PUS10: variants seen among roughly 807,000 people sequenced by gnomAD.
PUS10 encodes the protein tRNA pseudouridine synthase Pus10.
Under a neutral mutation model 75.0 loss-of-function variants are expected in PUS10, and 59 were observed. The observed-to-expected ratio is 0.79, with a 90% CI of 0.64 to 0.98. PUS10 has a LOEUF of 0.98. Among genes scored for constraint, PUS10 ranks in the 50% least tolerant of loss-of-function variants. PUS10 has a pLI of 0.00. For synonymous variants in PUS10, 219 were observed against 211.6 expected (o/e 1.03, Z -0.30); for missense variants, 650 against 614.4 (o/e 1.06, Z -0.61).
At chr2:60,949,451 T>C (rs1024636631) in intron 15 of PUS10, among the ~76,000 whole-genome samples, 2 of 152,236 alleles carry the variant, frequency 1.3e-5, no homozygotes, top group East Asian at 3.8e-4. Context: ...TTTTTTGGTT[T>C]GTTTGTTTTT....
intron 11 of PUS10, among the ~76,000 whole-genome samples, chr2:60,959,110 C>T (rs1355731992): frequency 6.6e-6 from 1 of 152,208 alleles, no homozygotes; most frequent in Non-Finnish European, 1.5e-5. Flanking sequence ...AATTCAAAAA[C>T]ATTACAGCTG....
At chr2:61,017,894 G>C (rs1680118405) in intron 1 of PUS10, 114 bp downstream of exon 1, 3 of 1,532,076 alleles carry the variant, frequency 2.0e-6, no homozygotes, top group African/African-American at 2.7e-5. Context: ...GTGGGCCCGA[G>C]CGGGGACTTG....
At position 60,942,064 on chromosome 2, in the gene PUS10, G is replaced by A; in HGVS notation, c.*331C>T. 4.4e-6 allele frequency: 1 copy of A among 225,846 alleles called. No individual in the cohort carries two copies. Among genetic ancestry groups the A allele is most frequent in the Non-Finnish European group, 8.7e-6 (1 of 115,038 alleles). The allele number at this position is 225,846 out of a possible 1,614,324, so 14.0% of individuals were successfully genotyped here. The stretch of plus-strand genomic sequence containing the variant: ...GGAGGGAAATCTTGCTGAAATTACA[G>A]CTTCTTAGGTTAACAGAGAATGTGT... On this transcript the variant is annotated 3_prime_UTR_variant, in exon 18 of 18. Transcript: ENST00000316752.
chr2:60,956,918 T>TG (rs1245168334), intron 11 of PUS10, among the ~76,000 whole-genome samples: 3 of 124,606 alleles, frequency 2.4e-5, no homozygotes, highest in Admixed American at 1.1e-4. Flanking sequence ...GAGCTTGCAG[T>TG]GAGCCGAGAT....
At chr2:60,996,912 A>G (rs893447765) in intron 4 of PUS10, among the ~76,000 whole-genome samples, 1 of 152,246 alleles carries the variant, frequency 6.6e-6, no homozygotes, top group Admixed American at 6.5e-5. Flanking sequence ...ATAGGTATCA[A>G]TGGGTTTACA....
At position 60,942,533 on chromosome 2, in the gene PUS10, A is replaced by G. The variant is rs564140156; in HGVS notation, c.1552-100T>C. On this transcript the variant is annotated intron_variant, in intron 17 of 17. Coordinates refer to ENST00000316752, the MANE Select transcript of PUS10 (RefSeq NM_144709.4). Reference sequence around the variant, plus strand: ...TTTAATAGTTTTAATATAGTGCAACAGAAGAAACTGCATTTGAAGAAAAGA... The same window carrying G: ...TTTAATAGTTTTAATATAGTGCAACGGAAGAAACTGCATTTGAAGAAAAGA... 69 of 893,874 alleles carry G rather than the reference A, an allele frequency of 7.7e-5. No individual in the cohort carries two copies. The African/African-American group carries it at 9.7e-4, about 13-fold the overall frequency. 55.4% of individuals were successfully genotyped at this position (893,874 alleles called of 1,614,324 possible). A position where few individuals can be genotyped will look rare whatever the true frequency, so the allele number is the denominator to read the frequency against.
chr2:60,949,050 A>T (rs1675172846), intron 15 of PUS10, among the ~76,000 whole-genome samples: 1 of 152,336 alleles, frequency 6.6e-6, no homozygotes, highest in South Asian at 2.1e-4. Context: ...TTCTCCACCA[A>T]GAAGAAAAGA....
At chr2:61,005,190 G>A (rs1342606778) in intron 4 of PUS10, among the ~76,000 whole-genome samples, 1 of 152,182 alleles carries the variant, frequency 6.6e-6, no homozygotes, top group Admixed American at 6.5e-5. Flanking sequence ...GAACCCGGGA[G>A]GCAGAGGTTG....
intron 15 of PUS10, among the ~76,000 whole-genome samples, chr2:60,951,585 A>G (rs2104213180): frequency 6.6e-6 from 1 of 152,306 alleles, no homozygotes; most frequent in South Asian, 2.1e-4. Flanking sequence ...TCGTGCTTTT[A>G]TAAGAATCTA....
intron 4 of PUS10, among the ~76,000 whole-genome samples, chr2:60,972,080 G>A (rs1263021869): frequency 1.3e-5 from 2 of 148,176 alleles, no homozygotes; most frequent in African/African-American, 2.5e-5. Flanking sequence ...TGTTGGCCAG[G>A]CTGGTCTCGA....
intron 6 of PUS10, chr2:60,966,412 C>T (rs1676344698): frequency 6.6e-6 from 1 of 152,190 alleles, no homozygotes; most frequent in African/African-American, 2.4e-5. Context: ...CTATTAGCTA[C>T]TCTAGAATCA....
chr2:60,970,937 T>C (rs1386218410), intron 5 of PUS10, among the ~76,000 whole-genome samples: 2 of 152,146 alleles, frequency 1.3e-5, no homozygotes, highest in Admixed American at 6.5e-5. Context: ...CCCACCACTT[T>C]GGGAGGCCGA....
chr2:60,945,375 A>T (rs1674881617), intron 16 of PUS10, among the ~76,000 whole-genome samples: 1 of 152,192 alleles, frequency 6.6e-6, no homozygotes, highest in African/African-American at 2.4e-5. Context: ...TCCAAGTGCC[A>T]AGGTTTGGAT....
intron 4 of PUS10, among the ~76,000 whole-genome samples, chr2:60,977,336 G>A (rs1573448549): frequency 1.3e-5 from 2 of 152,186 alleles, no homozygotes; most frequent in Non-Finnish European, 2.9e-5. Context: ...GGTATGTTAT[G>A]TGTGTTCATA....
intron 16 of PUS10, among the ~76,000 whole-genome samples, chr2:60,947,582 C>CGTG (rs1166981106): frequency 6.6e-6 from 1 of 152,206 alleles, no homozygotes; most frequent in Non-Finnish European, 1.5e-5. Context: ...GTAATCACAG[C>CGTG]ACTTCGGAAG....
At chr2:60,990,690 G>C (rs539673969) in intron 4 of PUS10, among the ~76,000 whole-genome samples, 1 of 152,176 alleles carries the variant, frequency 6.6e-6, no homozygotes, top group Non-Finnish European at 1.5e-5. Context: ...CTCTCTGGAG[G>C]AGAACATTAT....
At chr2:60,978,353 C>T (rs907028568) in intron 4 of PUS10, among the ~76,000 whole-genome samples, 18 of 140,050 alleles carry the variant, frequency 1.3e-4, no homozygotes, top group African/African-American at 4.3e-4. Context: ...ACCTGGGAGG[C>T]GGAAGTTGCA....
chr2:60,961,567 T>G lies in PUS10; in HGVS notation c.789-19A>C. ...AAACTGCCTGCAAAACAAAATAAAT[T>G]TTATAGCTATTTTCCAGACATAATA... On this transcript the variant is annotated intron_variant, in intron 9 of 17. Coordinates refer to ENST00000316752, the MANE Select transcript of PUS10 (RefSeq NM_144709.4). The G allele has an allele frequency of 6.3e-7, 1 of 1,587,470 alleles. No individual in the cohort carries two copies. The highest frequency in any genetic ancestry group is 8.7e-7 in the Non-Finnish European group (1 of 1,155,880).
chr2:61,006,602 G>C lies in PUS10; in HGVS notation c.423C>G (p.Ser141Arg). 6.2e-7 allele frequency: 1 copy of C among 1,613,526 alleles called. No homozygotes were observed. Among genetic ancestry groups the C allele is most frequent in the Non-Finnish European group, 8.5e-7 (1 of 1,179,758 alleles). The change falls in exon 4 of 18, where the codon AGC (serine) becomes AGG (arginine). Residue 141 changes from serine (S) to arginine (R), a missense_variant. Physicochemically the swap from Ser to Arg is moderately radical, Grantham distance 110. Transcript: ENST00000316752. ...KVEASGFEFT[S>R]LVFSVSFPPQ... Reference sequence around the variant, plus strand: ...GTGGGAAGGAGACTGAAAATACCAAGCTGGTGAATTCAAACCCAGAGGCCT... The same window carrying C: ...GTGGGAAGGAGACTGAAAATACCAACCTGGTGAATTCAAACCCAGAGGCCT...
Sources: allele counts gnomAD v4.1 joint callset (sites outside exome capture counted in the v4.1 genomes callset), GRCh38; gene constraint gnomAD v4.1.1; transcripts MANE v1.5; gene names NCBI Gene and HGNC (gene_info 2026-07-23, HGNC 2026-07-21).